The following IPO11 variants were observed in gnomAD, a reference collection of about 807,000 sequenced individuals.
IPO11 encodes the protein importin 11.
IPO11 carries 66 observed loss-of-function variants against 143.2 expected under a neutral mutation model. That is an observed-to-expected ratio of 0.46 (90% confidence interval 0.38 to 0.57). IPO11 has a LOEUF of 0.57. Ranked by LOEUF, IPO11 falls within the 20% of genes least tolerant of loss-of-function variation. The probability of loss-of-function intolerance (pLI) is 0.00; values close to 1 mark genes in which losing one functional copy is unlikely to be tolerated. For synonymous variants in IPO11, 385 were observed against 377.8 expected, an observed-to-expected ratio of 1.02 and a Z score of -0.22; for missense variants, 1,026 against 1,141.0, an observed-to-expected ratio of 0.90 and a Z score of 1.45.
rs1746463994 is a variant in IPO11 at position 62,487,773 on chromosome 5, A to G, written c.1221A>G (p.Pro407=). 6.3e-7 allele frequency: 1 copy of G among 1,584,486 alleles called. No homozygotes were observed. Among genetic ancestry groups the G allele is most frequent in the Non-Finnish European group, 8.6e-7 (1 of 1,166,770 alleles). ...AATTTGTATTTTTCCCTCTCCAGCC[A>G]TGCACTGAAGTATTATTTATAGATA... The part of the protein sequence containing the change: ...GGDSWKYSLR[P]CTEVLFIDIF... Residue 407 remains proline, a splice_region_variant and synonymous_variant, in exon 13 of 30, where the codon CCA becomes CCG. Transcript: ENST00000325324.
intron 27 of IPO11, among the ~76,000 whole-genome samples, chr5:62,573,598 C>G (rs550050250): frequency 6.6e-6 from 1 of 152,010 alleles, no homozygotes; most frequent in Non-Finnish European, 1.5e-5. Flanking sequence ...GCTTCTTTGG[C>G]GGGTCAAAAT....
intron 22 of IPO11, among the ~76,000 whole-genome samples, chr5:62,532,847 C>T (rs190660883): frequency 2.8e-4 from 43 of 152,248 alleles, no homozygotes; most frequent in Non-Finnish European, 5.6e-4. Context: ...CTACCATTGA[C>T]CGGCTCTTCA....
At chr5:62,553,757 TTTTG>T (rs954190768) in intron 26 of IPO11, among the ~76,000 whole-genome samples, 1 of 152,098 alleles carries the variant, frequency 6.6e-6, no homozygotes, top group African/African-American at 2.4e-5. Context: ...TTGACCTTTT[TTTTG>T]TTTGTTTTTG....
intron 1 of IPO11, among the ~76,000 whole-genome samples, chr5:62,429,587 CGTGTGTGTGTGTGTGTGTGTGT>C (rs56185914): frequency 4.7e-5 from 6 of 128,580 alleles, no homozygotes; most frequent in East Asian, 2.4e-4. Flanking sequence ...GTCTGATTTT[CGTGTGTGTGTGTGTGTGTGTGT>C]GTGTGTGTGT....
At chr5:62,437,585 T>C (rs552920938) in intron 2 of IPO11, among the ~76,000 whole-genome samples, 168 bp downstream of exon 2, 186 of 152,140 alleles carry the variant, frequency 1.2e-3, no homozygotes, top group Non-Finnish European at 2.5e-3. Flanking sequence ...GGGTGTTAAA[T>C]AAATATTTAT....
intron 29 of IPO11, among the ~76,000 whole-genome samples, chr5:62,611,538 T>C (rs1745926768): frequency 6.6e-6 from 1 of 152,208 alleles, no homozygotes; most frequent in Admixed American, 6.5e-5. Flanking sequence ...AGATTTCAAA[T>C]TAATTGCCTG....
At chr5:62,567,423 C>G (rs916312275) in intron 27 of IPO11, among the ~76,000 whole-genome samples, 7 of 150,448 alleles carry the variant, frequency 4.7e-5, no homozygotes, top group Non-Finnish European at 1.0e-4. Flanking sequence ...TGGTCTTTGA[C>G]TCTCTTGTCC....
In IPO11 at chr5:62,598,565, T is replaced by TG. The variant is rs770605911; in HGVS notation, c.2679-3199_2679-3198insG. On this transcript the variant is annotated intron_variant, in intron 28 of 29. Transcript: ENST00000325324. ...CTTTCTTTTCTTTCTTTTTTTTTTT[T>TG]ATGGAGTCTTGCCCTGTTGCCCAGC... Among the ~76,000 whole-genome samples the TG allele has an allele frequency of 3.2e-4, 13 of 40,860 alleles. 1 individual carries two copies. Among genetic ancestry groups the TG allele is most frequent in the Admixed American group, 1.1e-3 (4 of 3,484 alleles). 26.8% of individuals were successfully genotyped at this position (40,860 alleles called of 152,430 possible). A position where few individuals can be genotyped will look rare whatever the true frequency, so the allele number is the denominator to read the frequency against.
intron 29 of IPO11, among the ~76,000 whole-genome samples, chr5:62,620,412 G>A (rs1489900665): frequency 6.6e-5 from 10 of 151,774 alleles, no homozygotes; most frequent in Non-Finnish European, 1.2e-4. Flanking sequence ...CCAGCTACTC[G>A]GGAGGCTGAG....
rs372220121 is a variant in IPO11, at chr5:62,580,479, G to A, written c.2583-11098G>A. 365 of 1,551,318 alleles carry A rather than the reference G, an allele frequency of 2.4e-4. No homozygotes were observed. In the African/African-American group the frequency reaches 3.8e-3, roughly 16 times the overall value. Reference sequence around the variant, plus strand: ...CCTTGCATCCAAGGGTCCTTAAGCCGTTGTCTTCATTGATTCATCTTCAGG... The same window carrying A: ...CCTTGCATCCAAGGGTCCTTAAGCCATTGTCTTCATTGATTCATCTTCAGG... On this transcript the variant is annotated intron_variant, in intron 27 of 29. Transcript: ENST00000325324.
intron 1 of IPO11, chr5:62,418,990 T>C: frequency 6.5e-7 from 1 of 1,546,418 alleles, no homozygotes; most frequent in South Asian, 1.2e-5. Flanking sequence ...TGTTGTTCTA[T>C]GAACATCATA....
At chr5:62,608,111 T>C (rs1028059375) in intron 29 of IPO11, among the ~76,000 whole-genome samples, 1 of 152,056 alleles carries the variant, frequency 6.6e-6, no homozygotes, top group Non-Finnish European at 1.5e-5. Flanking sequence ...GAGCCACCAC[T>C]CCTGGCCTCT....
intron 27 of IPO11, among the ~76,000 whole-genome samples, chr5:62,588,116 A>G (rs1362176465): frequency 6.6e-6 from 1 of 152,146 alleles, no homozygotes; most frequent in East Asian, 1.9e-4. Context: ...TCAAATCTGT[A>G]TGCACTTCCA....
intron 27 of IPO11, among the ~76,000 whole-genome samples, chr5:62,567,008 A>G (rs1238474758): frequency 6.6e-6 from 1 of 151,986 alleles, no homozygotes; most frequent in East Asian, 1.9e-4. Flanking sequence ...GTTAACCTTT[A>G]CCAGGGAATT....
At chr5:62,536,540 C>T (rs1191730268) in intron 22 of IPO11, among the ~76,000 whole-genome samples, 162 bp from the exon 23 acceptor site, 1 of 151,960 alleles carries the variant, frequency 6.6e-6, no homozygotes, top group Admixed American at 6.6e-5. Flanking sequence ...CCTAGTGATG[C>T]CAGTTTTTAG....
intron 5 of IPO11, among the ~76,000 whole-genome samples, chr5:62,459,389 AAAAT>A (rs70981011): frequency 1.7e-4 from 26 of 151,700 alleles, no homozygotes; most frequent in South Asian, 6.2e-4. Context: ...CTCTGTCTCA[AAAAT>A]AAATAAATAA....
intron 8 of IPO11, among the ~76,000 whole-genome samples, chr5:62,475,503 C>T (rs1745925662): frequency 1.3e-5 from 2 of 152,096 alleles, no homozygotes; most frequent in African/African-American, 4.8e-5. Context: ...AGAACAAACC[C>T]CATCTCAAGA....
At chr5:62,537,997 A>T (rs957194200) in intron 24 of IPO11, among the ~76,000 whole-genome samples, 2 of 152,184 alleles carry the variant, frequency 1.3e-5, no homozygotes, top group Non-Finnish European at 2.9e-5. Context: ...CGTTGTGCAC[A>T]TGTACCCTGG....
At chr5:62,590,108 T>A (rs549630331) in intron 27 of IPO11, among the ~76,000 whole-genome samples, 11 of 152,354 alleles carry the variant, frequency 7.2e-5, no homozygotes, top group African/African-American at 2.6e-4. Context: ...CTCCACCATC[T>A]CAGTCTTTAT....
Sources: allele counts gnomAD v4.1 joint callset (sites outside exome capture counted in the v4.1 genomes callset), GRCh38; gene constraint gnomAD v4.1.1; transcripts MANE v1.5; gene names NCBI Gene and HGNC (gene_info 2026-07-23, HGNC 2026-07-21).